ANKRD55: variants seen among roughly 807,000 people sequenced by gnomAD.
ANKRD55 encodes ankyrin repeat domain 55.
Under a neutral mutation model 60.6 loss-of-function variants are expected in ANKRD55, and 41 were observed. The ratio of observed to expected loss-of-function variants is 0.68; its 90% CI spans 0.53 to 0.88. ANKRD55 has a LOEUF of 0.88. Ranked by LOEUF, ANKRD55 falls within the 40% of genes least tolerant of loss-of-function variation. The pLI, the probability that ANKRD55 is intolerant of heterozygous loss-of-function variation, is 0.00. For synonymous variants in ANKRD55, 264 were observed against 290.3 expected, an observed-to-expected ratio of 0.91 and a Z score of 0.92; for missense variants, 732 against 767.6, an observed-to-expected ratio of 0.95 and a Z score of 0.55.
chr5:56,187,086 A>G (rs1196064210), intron 2 of ANKRD55, among the ~76,000 whole-genome samples: 1 of 152,244 alleles, frequency 6.6e-6, no homozygotes, highest in African/African-American at 2.4e-5. Context: ...GCATTGCCTG[A>G]TAGAATTATG....
rs1187776970 is a variant in ANKRD55 at position 56,163,984 on chromosome 5, AGGGAGGCT to A, written c.423-4099_423-4092del. Among the ~76,000 whole-genome samples the A allele has an allele frequency of 9.9e-5, 15 of 152,196 alleles. No homozygotes were observed. In the South Asian group the frequency reaches 3.1e-3, roughly 32 times the overall value. On this transcript the variant is annotated intron_variant, in intron 5 of 11. Transcript: ENST00000341048. ...GTGGGCACCTGTAATTCCAGCTACT[AGGGAGGCT>A]GAGGTCGGAGAATTGCTTCAATCTG...
At chr5:56,106,730 C>T (rs972366176) in intron 10 of ANKRD55, among the ~76,000 whole-genome samples, 3 of 152,140 alleles carry the variant, frequency 2.0e-5, no homozygotes, top group Middle Eastern at 6.8e-3. Context: ...CCACACCCAG[C>T]CTTAGTGGCT....
In ANKRD55 at chr5:56,183,852, C is replaced by A. The variant is rs1405755926; in HGVS notation, c.59-218G>T. Among the ~76,000 whole-genome samples, 7 of 152,286 alleles carry A rather than the reference C, an allele frequency of 4.6e-5. No individual in the cohort carries two copies. In the East Asian group the frequency reaches 9.7e-4, roughly 21 times the overall value. ...ACACCGCCGTGTATTGGAAAGGAAC[C>A]TGAGGGATTGGATGTCATTTGAGAT... On this transcript the variant is annotated intron_variant, in intron 2 of 11. Transcript: ENST00000341048.
rs149893319 is a variant in ANKRD55 at position 56,104,258 on chromosome 5, T to TATC, written c.1631-1675_1631-1673dup. ...CTTTTTCTTGTGAGATACATTCTAT[T>TATC]ATCATCCTCATTTTACAAATGAGGA... On this transcript the variant is annotated intron_variant, in intron 10 of 11. Coordinates refer to ENST00000341048, the MANE Select transcript of ANKRD55 (RefSeq NM_024669.3). Among the ~76,000 whole-genome samples, 830 of 152,290 alleles carry TATC rather than the reference T, an allele frequency of 5.5e-3. 4 individuals carry two copies. Among genetic ancestry groups the TATC allele is most frequent in the African/African-American group, 0.019 (770 of 41,552 alleles).
At chr5:56,210,290 A>G (rs1216770385) in intron 2 of ANKRD55, among the ~76,000 whole-genome samples, 1 of 152,158 alleles carries the variant, frequency 6.6e-6, no homozygotes, top group Non-Finnish European at 1.5e-5. Context: ...AAAGTGCTTT[A>G]TAGGCCGGGC....
At chr5:56,172,076 G>A (rs867549838) in intron 4 of ANKRD55, among the ~76,000 whole-genome samples, 4 of 150,230 alleles carry the variant, frequency 2.7e-5, no homozygotes, top group South Asian at 2.1e-4. Flanking sequence ...CCGAGATCGC[G>A]CCACTGCACT....
chr5:56,120,894 C>T (rs1350231764), intron 8 of ANKRD55, among the ~76,000 whole-genome samples: 15 of 124,384 alleles, frequency 1.2e-4, no homozygotes, highest in South Asian at 2.7e-4. Context: ...AGGGAGACTC[C>T]GTCTCAAAAA....
intron 2 of ANKRD55, among the ~76,000 whole-genome samples, chr5:56,196,523 C>T (rs1759233075): frequency 1.3e-5 from 2 of 152,068 alleles, no homozygotes; most frequent in Admixed American, 1.3e-4. Context: ...AAACTGAGGC[C>T]TGGAGAATTA....
intron 2 of ANKRD55, chr5:56,192,630 G>C: frequency 5.2e-6 from 4 of 776,574 alleles, no homozygotes; most frequent in Non-Finnish European, 8.6e-6. Flanking sequence ...CAGCTACTTA[G>C]TATTTTGTTG....
In ANKRD55 at chr5:56,127,198, G is replaced by GGAAA. The variant is rs149946797; in HGVS notation, c.613-96_613-93dup. ...AAGATAAAAATACAAAGGAAAAAAA[G>GGAAA]GAAAGAAAGAAAGAAAGAAAAAAGA... On this transcript the variant is annotated intron_variant, in intron 7 of 11. Transcript: ENST00000341048. 59 of 1,328,388 alleles carry GGAAA rather than the reference G, an allele frequency of 4.4e-5. No homozygotes were observed. The Middle Eastern group carries it at 8.6e-4, about 19-fold the overall frequency. The allele number at this position is 1,328,388 out of a possible 1,614,324, so 82.3% of individuals were successfully genotyped here.
At chr5:56,131,420 T>A (rs1468120183) in intron 7 of ANKRD55, among the ~76,000 whole-genome samples, 1 of 152,024 alleles carries the variant, frequency 6.6e-6, no homozygotes, top group Non-Finnish European at 1.5e-5. Flanking sequence ...CCTTCAAAAG[T>A]GAAGGAGCAA....
chr5:56,142,220 C>T (rs1226042466), intron 7 of ANKRD55, among the ~76,000 whole-genome samples: 3 of 152,026 alleles, frequency 2.0e-5, no homozygotes, highest in Non-Finnish European at 4.4e-5. Flanking sequence ...CCCAGCTACT[C>T]GGGAGGCTGA....
At chr5:56,192,989 A>G (rs1759137864) in intron 2 of ANKRD55, 1 of 900,450 alleles carries the variant, frequency 1.1e-6, no homozygotes, top group Non-Finnish European at 1.6e-6. Flanking sequence ...CTGGAAAACA[A>G]TTAAACCTTT....
intron 2 of ANKRD55, among the ~76,000 whole-genome samples, chr5:56,221,405 G>C (rs1490757678): frequency 6.6e-6 from 1 of 152,176 alleles, no homozygotes; most frequent in African/African-American, 2.4e-5. Context: ...CCAGTCTACA[G>C]CTCCCAGCGT....
At chr5:56,219,465 C>T (rs1169938691) in intron 2 of ANKRD55, among the ~76,000 whole-genome samples, 1 of 152,106 alleles carries the variant, frequency 6.6e-6, no homozygotes, top group African/African-American at 2.4e-5. Context: ...AGCAAGTGCC[C>T]TTCTTAGGTT....
At chr5:56,165,568 G>A (rs1758427022) in intron 5 of ANKRD55, among the ~76,000 whole-genome samples, 1 of 152,196 alleles carries the variant, frequency 6.6e-6, no homozygotes, top group African/African-American at 2.4e-5. Context: ...TGAGTTCAGC[G>A]TTTCCACACA....
At chr5:56,138,732 A>G (rs566529040) in intron 7 of ANKRD55, among the ~76,000 whole-genome samples, 13 of 152,366 alleles carry the variant, frequency 8.5e-5, no homozygotes, top group African/African-American at 3.1e-4. Flanking sequence ...AGACAATTTG[A>G]AAAAGCTACA....
At chr5:56,108,399 TG>T (rs1756562241) in intron 10 of ANKRD55, 1 of 152,102 alleles carries the variant, frequency 6.6e-6, no homozygotes, top group Non-Finnish European at 1.5e-5. Flanking sequence ...GGCCCTGAAG[TG>T]TCAAAAGGTG....
chr5:56,111,099 A>G lies in ANKRD55; in HGVS notation c.1630+19T>C, dbSNP rs761908915. On this transcript the variant is annotated intron_variant, in intron 10 of 11. Coordinates refer to ENST00000341048, the MANE Select transcript of ANKRD55 (RefSeq NM_024669.3). ...AGTATAGAGCCTGCTGAGAATGAACATGAAATCAAGGACATTACCTGATGA... is the reference window on the plus strand; with the variant it reads ...AGTATAGAGCCTGCTGAGAATGAACGTGAAATCAAGGACATTACCTGATGA... 5.5e-5 allele frequency: 88 copies of G among 1,602,942 alleles called. No individual in the cohort carries two copies. In the Admixed American group the frequency reaches 1.4e-3, roughly 26 times the overall value.
Sources: allele counts gnomAD v4.1 joint callset (sites outside exome capture counted in the v4.1 genomes callset), GRCh38; gene constraint gnomAD v4.1.1; transcripts MANE v1.5; gene names NCBI Gene and HGNC (gene_info 2026-07-23, HGNC 2026-07-21).